Variants in ZNG1B observed in about 807,000 individuals in gnomAD.
ZNG1B encodes the protein zinc-regulated GTPase metalloprotein activator 1B.
the ZNG1B span, chr2:113,444,098 G>A: frequency 3.3e-5 from 15 of 452,520 alleles, no homozygotes; most frequent in African/African-American, 2.8e-4. Flanking sequence ...TTTGATGTCA[G>A]GGCTTATTTA....
the ZNG1B span, among the ~76,000 whole-genome samples, chr2:113,455,957 A>T: frequency 1.3e-5 from 2 of 150,648 alleles, no homozygotes; most frequent in East Asian, 3.9e-4. Context: ...ACCTCAAGTG[A>T]TCCACCCGCC....
chr2:113,487,111 A>AC, the ZNG1B span, among the ~76,000 whole-genome samples: 1 of 152,194 alleles, frequency 6.6e-6, no homozygotes, highest in African/African-American at 2.4e-5. Context: ...TTTTAGTCAG[A>AC]CTGCATAAGA....
chr2:113,473,420 T>A, the ZNG1B span, among the ~76,000 whole-genome samples: 1 of 147,896 alleles, frequency 6.8e-6, no homozygotes, highest in African/African-American at 2.5e-5. Context: ...TATATAATCA[T>A]GTCATCTGCA....
chr2:113,469,211 T>A, the ZNG1B span: 3 of 152,280 alleles, frequency 2.0e-5, no homozygotes, highest in East Asian at 5.8e-4. Context: ...TGGTGCGATC[T>A]CGGCTCACTG....
At chr2:113,491,846 TAAAAG>T in the ZNG1B span, among the ~76,000 whole-genome samples, 2 of 110,832 alleles carry the variant, frequency 1.8e-5, no homozygotes, top group African/African-American at 3.2e-5. Flanking sequence ...AGACAATTCT[TAAAAG>T]AAGATATACA....
the ZNG1B span, among the ~76,000 whole-genome samples, chr2:113,490,401 G>A: frequency 7.1e-6 from 1 of 139,984 alleles, no homozygotes; most frequent in African/African-American, 2.8e-5. Context: ...CCATCAAAAA[G>A]TCGGAAAGAG....
At chr2:113,467,945 T>G in the ZNG1B span, among the ~76,000 whole-genome samples, 62 of 148,390 alleles carry the variant, frequency 4.2e-4, no homozygotes, top group Non-Finnish European at 8.4e-4. Context: ...ATACATAGTT[T>G]GGATTTTCTT....
chr2:113,471,914 G>C, the ZNG1B span, among the ~76,000 whole-genome samples: 1 of 148,572 alleles, frequency 6.7e-6, no homozygotes, highest in Non-Finnish European at 1.5e-5. Context: ...CCAAGTCTTT[G>C]CTATTGTGAA....
At chr2:113,481,903 A>G in the ZNG1B span, 1 of 380,088 alleles carries the variant, frequency 2.6e-6, no homozygotes, top group Admixed American at 4.3e-5. Flanking sequence ...ATATTTAACC[A>G]TACAAAATAG....
chr2:113,437,852 A>C, the ZNG1B span: 1 of 1,611,204 alleles, frequency 6.2e-7, no homozygotes, highest in Non-Finnish European at 8.5e-7. Context: ...TGAGGTAGGG[A>C]CGTGCTGTAG....
the ZNG1B span, among the ~76,000 whole-genome samples, chr2:113,445,763 T>TTCTGTGAA: frequency 4.5e-3 from 615 of 135,762 alleles, 21 homozygotes; most frequent in Non-Finnish European, 2.7e-3. Context: ...TTAGTGCTTA[T>TTCTGTGAA]TCTGTGAATC....
chr2:113,470,159 T>C, the ZNG1B span: 1 of 151,158 alleles, frequency 6.6e-6, no homozygotes, highest in Non-Finnish European at 1.5e-5. Flanking sequence ...ACCCAGCTAA[T>C]TTTTGTATTT....
chr2:113,439,426 C>A, the ZNG1B span, among the ~76,000 whole-genome samples: 1 of 152,132 alleles, frequency 6.6e-6, no homozygotes, highest in African/African-American at 2.4e-5. Flanking sequence ...TTACCATCCC[C>A]CCAAATCCTG....
At chr2:113,439,279 T>G in the ZNG1B span, among the ~76,000 whole-genome samples, 2 of 152,160 alleles carry the variant, frequency 1.3e-5, no homozygotes, top group African/African-American at 2.4e-5. Flanking sequence ...TTTCTTCTGA[T>G]TTTTCCACCT....
At chr2:113,471,137 C>T in the ZNG1B span, 10 of 1,181,078 alleles carry the variant, frequency 8.5e-6, no homozygotes, top group Non-Finnish European at 1.2e-5. Context: ...TACCTTTTTT[C>T]CCCATAGTTA....
the ZNG1B span, among the ~76,000 whole-genome samples, chr2:113,490,231 C>T: frequency 2.0e-5 from 3 of 152,010 alleles, no homozygotes; most frequent in East Asian, 1.9e-4. Flanking sequence ...CATGCCGATA[C>T]GTGGAATAAC....
the ZNG1B span, among the ~76,000 whole-genome samples, chr2:113,461,450 C>G: frequency 6.6e-6 from 1 of 151,646 alleles, no homozygotes; most frequent in Non-Finnish European, 1.5e-5. Context: ...ATAAATAAGC[C>G]AAATAGAAAA....
the ZNG1B span, among the ~76,000 whole-genome samples, chr2:113,483,292 C>T: frequency 3.3e-5 from 5 of 151,298 alleles, no homozygotes; most frequent in Non-Finnish European, 7.4e-5. Context: ...TCCATAGAGC[C>T]TCGAATGAAC....
At chr2:113,474,616 G>A in the ZNG1B span, among the ~76,000 whole-genome samples, 1 of 137,090 alleles carries the variant, frequency 7.3e-6, no homozygotes. Context: ...GCTTTCTGTT[G>A]TGGGCATTTA....
Sources: gnomAD v4.1 joint callset for allele counts (sites outside exome capture counted in the v4.1 genomes callset) on GRCh38, gnomAD v4.1.1 for gene constraint, MANE v1.5 for transcripts, NCBI Gene and HGNC (gene_info 2026-07-23, HGNC 2026-07-21) for gene names.